CPNE1: variants seen among roughly 807,000 people sequenced by gnomAD.
CPNE1 encodes copine-1.
CPNE1 carries 58 observed loss-of-function variants against 63.2 expected under a neutral mutation model. The ratio of observed to expected loss-of-function variants is 0.92; its 90% CI spans 0.74 to 1.14. The LOEUF is 1.14. Among genes scored for constraint, CPNE1 ranks in the 50% most tolerant of loss-of-function variants. The pLI, the probability that CPNE1 is intolerant of heterozygous loss-of-function variation, is 0.00. For missense variants in CPNE1, 672 were observed against 661.7 expected (o/e 1.02, Z -0.17); for synonymous variants, 237 against 249.0 (o/e 0.95, Z 0.45).
intron 1 of CPNE1, among the ~76,000 whole-genome samples, chr20:35,658,122 G>A (rs1177647201): frequency 6.6e-6 from 1 of 152,034 alleles, no homozygotes; most frequent in East Asian, 1.9e-4. Flanking sequence ...CTGTTACTAA[G>A]TAACTGTTTG....
chr20:35,631,900 A>G (rs1477984610), intron 6 of CPNE1, 45 bp downstream of exon 6: 1 of 1,579,568 alleles, frequency 6.3e-7, no homozygotes, highest in South Asian at 1.1e-5. Flanking sequence ...AGGCCCCAGG[A>G]GATTATCTCC....
chr20:35,630,943 A>T lies in CPNE1; in HGVS notation c.953T>A (p.Met318Lys), dbSNP rs774335949. 2.5e-6 allele frequency: 4 copies of T among 1,613,780 alleles called. No individual in the cohort carries two copies. In the South Asian group the frequency reaches 4.4e-5, roughly 18 times the overall value. ...CACGCTGCCCACACTCCACAGTGCC[A>T]TCAGGTACTCATTGACCCCTGTTGG... ...LSPTGVNEYL[M>K]ALWSVGSVVQ... Residue 318 changes from methionine (M) to lysine (K), a missense_variant, in exon 11 of 16, where the codon ATG becomes AAG. Met to Lys is a moderately conservative substitution (Grantham distance 95). Coordinates refer to ENST00000397443, the MANE Select transcript of CPNE1 (RefSeq NM_152925.3).
At chr20:35,632,415 G>A (rs374110247) in intron 3 of CPNE1, 30 bp from the exon 4 acceptor site, 63 of 1,611,730 alleles carry the variant, frequency 3.9e-5, no homozygotes, top group Non-Finnish European at 5.2e-5. Context: ...GGAGTTTCAG[G>A]ATAACAGGCA....
chr20:35,653,667 T>C lies in CPNE1; in HGVS notation c.-1+11093A>G, dbSNP rs150600825. 624 of 1,614,202 alleles carry C rather than the reference T, an allele frequency of 3.9e-4. 7 individuals are homozygous for C. In the East Asian group the frequency reaches 0.012, roughly 30 times the overall value. On this transcript the variant is annotated intron_variant, in intron 1 of 15. Transcript: ENST00000397443. ...GAACATCCATCTTTGTAATGCTGAA[T>C]GGAATATTTGTTATGTGGGCACAGA...
Position 35,631,150 on chromosome 20 carries a change from C to T in CPNE1, c.825G>A (p.Leu275=), listed in dbSNP as rs185269470. Residue 275 remains leucine (L), a synonymous_variant, in exon 10 of 16, where the codon CTG becomes CTA. Coordinates refer to ENST00000397443, the MANE Select transcript of CPNE1 (RefSeq NM_152925.3). ...TCTGACAGCCTCCCATCACATAGTC[C>T]AGAAAGGAGTACTCTGTTTCTACCT... ...ICRVETEYSF[L]DYVMGGCQIN... is the part of the protein sequence containing the mutation. 3.1e-6 allele frequency: 5 copies of T among 1,614,110 alleles called. No individual in the cohort carries two copies. The highest frequency in any genetic ancestry group is 1.7e-5 in the Admixed American group (1 of 60,016).
intron 1 of CPNE1, chr20:35,653,181 T>C (rs2033654501): frequency 6.2e-7 from 1 of 1,613,436 alleles, no homozygotes; most frequent in Admixed American, 1.7e-5. Flanking sequence ...CATTATTGGC[T>C]TCCTTTGATC....
rs545992709 is a variant in CPNE1, at chr20:35,632,063, A to C, written c.457-38T>G. The C allele has an allele frequency of 1.5e-5, 24 of 1,609,452 alleles. No individual in the cohort carries two copies. The African/African-American group carries it at 2.7e-4, about 18-fold the overall frequency. ...GACCCCAGTTACAAGACTCAGGAAC[A>C]AACAACCATTATGCCATCCCTCTGT... On this transcript the variant is annotated intron_variant, in intron 5 of 15. Coordinates refer to ENST00000397443, the MANE Select transcript of CPNE1 (RefSeq NM_152925.3).
chr20:35,630,451 G>T lies in CPNE1; in HGVS notation c.1090C>A (p.Pro364Thr). The change falls in exon 13 of 16, where the codon CCC (proline) becomes ACC (threonine). Residue 364 changes from proline (P) to threonine (T), a missense_variant. By Grantham distance (38) the Pro-to-Thr change is conservative. Transcript: ENST00000397443. Reference sequence around the variant, plus strand: ...TGGGGAAACTTACCTGCACAGTAGGGGTTACTGGGGTTGAAATTCAAGGCA... The same window carrying T: ...TGGGGAAACTTACCTGCACAGTAGGTGTTACTGGGGTTGAAATTCAAGGCA... ...EFALNFNPSN[P>T]YCAGIQGIVD... 1 of 1,614,132 alleles carries T rather than the reference G, an allele frequency of 6.2e-7. No homozygotes were observed. Among genetic ancestry groups the T allele is most frequent in the Non-Finnish European group, 8.5e-7 (1 of 1,179,982 alleles).
At chr20:35,655,580 A>G (rs1025532251) in intron 1 of CPNE1, among the ~76,000 whole-genome samples, 1 of 152,206 alleles carries the variant, frequency 6.6e-6, no homozygotes, top group African/African-American at 2.4e-5. Context: ...CAGTCCCAAG[A>G]CTCAAAAAGT....
rs1459090906 is a variant in CPNE1 at position 35,632,532 on chromosome 20, C to G, written c.294G>C (p.Glu98Asp). Residue 98 changes from glutamate to aspartate, a missense_variant, in exon 3 of 16, where the codon GAG becomes GAC. Physicochemically the swap from Glu to Asp is conservative, Grantham distance 45. Coordinates refer to ENST00000397443, the MANE Select transcript of CPNE1 (RefSeq NM_152925.3). ...LRDDDFLGGA[E>D]CSLGQIVSSQ... ...CCCTACATACCTGTCCTAGGGAACA[C>G]TCAGCACCCCCTAGGAAGTCATCAT... 1 of 1,613,714 alleles carries G rather than the reference C, an allele frequency of 6.2e-7. No homozygotes were observed. The highest frequency in any genetic ancestry group is 8.5e-7 in the Non-Finnish European group (1 of 1,179,770).
chr20:35,645,392 AT>A (rs2033045279), intron 1 of CPNE1, among the ~76,000 whole-genome samples: 1 of 152,222 alleles, frequency 6.6e-6, no homozygotes, highest in Admixed American at 6.5e-5. Context: ...CTGTCTAACC[AT>A]AACTTAGCAA....
intron 1 of CPNE1, among the ~76,000 whole-genome samples, chr20:35,634,295 C>A (rs1601428611): frequency 6.6e-6 from 1 of 150,558 alleles, no homozygotes; most frequent in African/African-American, 2.5e-5. Context: ...TCATATCACG[C>A]CTCTGCCTGA....
chr20:35,627,266 C>T lies in CPNE1; in HGVS notation c.1236+14G>A. 6.2e-7 allele frequency: 1 copy of T among 1,610,560 alleles called. No individual in the cohort carries two copies. The highest frequency in any genetic ancestry group is 8.5e-7 in the Non-Finnish European group (1 of 1,178,476). The stretch of plus-strand genomic sequence containing the variant: ...TTGATTGCCACCACTGCCACTGCCA[C>T]CCACGACTCTCACCGAGGCAGTCCC... On this transcript the variant is annotated intron_variant, in intron 14 of 15. Coordinates refer to ENST00000397443, the MANE Select transcript of CPNE1 (RefSeq NM_152925.3).
intron 7 of CPNE1, 36 bp downstream of exon 7, chr20:35,631,652 C>T (rs1224837262): frequency 1.2e-6 from 2 of 1,610,396 alleles, no homozygotes; most frequent in African/African-American, 1.3e-5. Context: ...AGGTTCTCTT[C>T]TCCAGCGCAG....
At chr20:35,654,174 T>C in intron 1 of CPNE1, 1 of 1,614,242 alleles carries the variant, frequency 6.2e-7, no homozygotes, top group Non-Finnish European at 8.5e-7. Context: ...CTCCAGCAGC[T>C]ACCCACTGTC....
At chr20:35,654,042 C>A (rs928534452) in intron 1 of CPNE1, 2 of 1,614,156 alleles carry the variant, frequency 1.2e-6, no homozygotes, top group Non-Finnish European at 1.7e-6. Context: ...AAAAACCAGC[C>A]TCATGTGGTG....
At chr20:35,646,734 A>G (rs914646588) in intron 1 of CPNE1, among the ~76,000 whole-genome samples, 1 of 152,214 alleles carries the variant, frequency 6.6e-6, no homozygotes, top group African/African-American at 2.4e-5. Flanking sequence ...AATACAGTAC[A>G]GCTCATTCCT....
At chr20:35,652,859 G>C (rs1487668144) in intron 1 of CPNE1, 5 of 1,611,592 alleles carry the variant, frequency 3.1e-6, no homozygotes, top group Non-Finnish European at 4.2e-6. Context: ...AAAGCTGGTG[G>C]CCCACCCAAA....
At chr20:35,639,663 G>A (rs1221069542) in intron 1 of CPNE1, among the ~76,000 whole-genome samples, 1 of 152,206 alleles carries the variant, frequency 6.6e-6, no homozygotes, top group African/African-American at 2.4e-5. Context: ...GAGAACTACA[G>A]GTCCTCCCCC....
Sources: allele counts gnomAD v4.1 joint callset (sites outside exome capture counted in the v4.1 genomes callset), GRCh38; gene constraint gnomAD v4.1.1; transcripts MANE v1.5; gene names NCBI Gene and HGNC (gene_info 2026-07-23, HGNC 2026-07-21).